Variants in CNPPD1 observed in about 807,000 individuals in gnomAD.
The protein encoded by CNPPD1 is cyclin Pas1/PHO80 domain containing 1.
CNPPD1 carries 40 observed loss-of-function variants against 43.7 expected under a neutral mutation model. The ratio of observed to expected loss-of-function variants is 0.92; its 90% CI spans 0.71 to 1.19. The LOEUF is 1.19. CNPPD1 is among the 50% of genes most tolerant of loss of function. The probability of loss-of-function intolerance (pLI) is 0.00; values close to 1 mark genes in which losing one functional copy is unlikely to be tolerated. For synonymous variants in CNPPD1, 208 were observed against 214.3 expected (o/e 0.97, Z 0.26); for missense variants, 511 against 518.5 (o/e 0.99, Z 0.14).
Position 219,172,633 on chromosome 2 carries a change from T to A in CNPPD1, c.1186A>T (p.Ser396Cys), listed in dbSNP as rs1485872106. Residue 396 changes from serine (S) to cysteine (C), a missense_variant, in exon 8 of 8, where the codon AGT becomes TGT. Coordinates refer to ENST00000360507, the MANE Select transcript of CNPPD1 (RefSeq NM_015680.6). The stretch of plus-strand genomic sequence containing the variant: ...TTGAGGCGAGCCAGCTCCATGACAC[T>A]GAAAAGGGAACATTGCTGAGGCTGA... ...LPQPQQCSLF[S>C]VMELARLKSF... The A allele has an allele frequency of 6.2e-7, 1 of 1,613,916 alleles. No individual in the cohort carries two copies.
chr2:219,176,999 C>T, upstream of CNPPD1: 1 of 576,118 alleles, frequency 1.7e-6, no homozygotes, highest in Non-Finnish European at 3.0e-6. Context: ...AAGGCGGGGC[C>T]CGGGCTGAAC....
In CNPPD1 at chr2:219,174,972, G is replaced by A; in HGVS notation, c.381+16C>T. On this transcript the variant is annotated intron_variant, in intron 4 of 7. Transcript: ENST00000360507. ...GGCTCTTGGCTCTTTAGGGAGATGG[G>A]GAGGGGGTGTCTTACCATGGAGATC... The A allele has an allele frequency of 6.2e-7, 1 of 1,614,152 alleles. No homozygotes were observed. Among genetic ancestry groups the A allele is most frequent in the Non-Finnish European group, 8.5e-7 (1 of 1,180,032 alleles).
In CNPPD1 at chr2:219,172,991, G is replaced by A; in HGVS notation, c.828C>T (p.Cys276=). The A allele has an allele frequency of 6.2e-7, 1 of 1,613,910 alleles. No homozygotes were observed. The highest frequency in any genetic ancestry group is 8.5e-7 in the Non-Finnish European group (1 of 1,179,984). ...GPPDLGLTSR[C]LLEPCIPSVP... ...CAGAAGGTATGCAGGGCTCCAGGAG[G>A]CAACGGGAGGTCAGTCCAAGGTCAG... The change falls in exon 8 of 8, where the codon TGC becomes TGT. Residue 276 remains cysteine, a synonymous_variant. Transcript: ENST00000360507.
At position 219,172,330 on chromosome 2, in the gene CNPPD1, C is replaced by T. The variant is rs543463097; in HGVS notation, c.*256G>A. The stretch of plus-strand genomic sequence containing the variant: ...GGGAGGCAGAGAGGGGCTTCTATGT[C>T]CATCTGGGACATGTCCCTGGTCACC... On this transcript the variant is annotated 3_prime_UTR_variant, in exon 8 of 8. Coordinates refer to ENST00000360507, the MANE Select transcript of CNPPD1 (RefSeq NM_015680.6). The T allele has an allele frequency of 1.8e-6, 1 of 550,124 alleles. No homozygotes were observed. Among genetic ancestry groups the T allele is most frequent in the African/African-American group, 1.9e-5 (1 of 52,480 alleles). The allele number at this position is 550,124 out of a possible 1,614,324, so 34.1% of individuals were successfully genotyped here.
chr2:219,176,139 G>C, intron 2 of CNPPD1, 84 bp downstream of exon 2: 1 of 986,618 alleles, frequency 1.0e-6, no homozygotes, highest in Non-Finnish European at 1.6e-6. Context: ...GTGTAGCCAC[G>C]GGGCAAACCT....
chr2:219,177,269 C>T (rs371827555), upstream of CNPPD1: 256 of 162,590 alleles, frequency 1.6e-3, 2 homozygotes, highest in African/African-American at 5.9e-3. Context: ...AGGAACCGGA[C>T]TCGAACTCCT....
chr2:219,175,494 C>CA (rs368784782), intron 3 of CNPPD1, 97 bp downstream of exon 3: 79,382 of 925,806 alleles, frequency 0.086, 8 homozygotes, highest in Non-Finnish European at 0.094. Context: ...GAGACTGTCT[C>CA]AAAAAAAAAA....
rs534896712 is a variant in CNPPD1 at position 219,176,336 on chromosome 2, A to G, written c.70-5T>C. ...CTTCTGGTGTCCTGGGAGGAACTGAAACAGGGCAGGGGCAGCGGAGGGTGA... is the reference window on the plus strand; with the variant it reads ...CTTCTGGTGTCCTGGGAGGAACTGAGACAGGGCAGGGGCAGCGGAGGGTGA... On this transcript the variant is annotated splice_region_variant and splice_polypyrimidine_tract_variant and intron_variant, in intron 1 of 7. Transcript: ENST00000360507. 3.7e-6 allele frequency: 6 copies of G among 1,605,296 alleles called. No individual in the cohort carries two copies. Among genetic ancestry groups the G allele is most frequent in the Non-Finnish European group, 5.1e-6 (6 of 1,171,924 alleles).
Position 219,176,311 on chromosome 2 carries a change from C to G in CNPPD1, c.90G>C (p.Lys30Asn), listed in dbSNP as rs1355701434. 6.2e-7 allele frequency: 1 copy of G among 1,614,122 alleles called. No individual in the cohort carries two copies. Among genetic ancestry groups the G allele is most frequent in the Non-Finnish European group, 8.5e-7 (1 of 1,179,936 alleles). Residue 30 changes from lysine to asparagine, a missense_variant, in exon 2 of 8, where the codon AAG (lysine) becomes AAC (asparagine). Coordinates refer to ENST00000360507, the MANE Select transcript of CNPPD1 (RefSeq NM_015680.6). ...QDFTFLPGHQ[K>N]LSARIRRRLY... ...GCCTCCTTCGGATCCGGGCACTCAG[C>G]TTCTGGTGTCCTGGGAGGAACTGAA...
intron 1 of CNPPD1, 110 bp from the exon 2 acceptor site, chr2:219,176,441 G>A: frequency 1.2e-6 from 1 of 841,486 alleles, no homozygotes; most frequent in Non-Finnish European, 1.9e-6. Flanking sequence ...CGCTGCTAGG[G>A]GGCCCGTGCC....
Position 219,176,802 on chromosome 2 carries a change from G to C in CNPPD1, c.27C>G (p.Asp9Glu), listed in dbSNP as rs1180985607. The C allele has an allele frequency of 6.3e-7, 1 of 1,583,952 alleles. No individual in the cohort carries two copies. The highest frequency in any genetic ancestry group is 1.8e-5 in the Admixed American group (1 of 55,694). The change falls in exon 1 of 8, where the codon GAC (aspartate) becomes GAG (glutamate). Residue 9 changes from aspartate (D) to glutamate (E), a missense_variant. Transcript: ENST00000360507. The stretch of plus-strand genomic sequence containing the variant: ...CGGCGAGGGAGAAGGTGCCTTCTTC[G>C]TCCAGCAGGAGCCCGGTCAGGTCCA... MDLTGLLL[D>E]EEGTFSLAGF...
In CNPPD1 at chr2:219,172,028, A is replaced by C. The variant is rs1288696565; in HGVS notation, c.*558T>G. The C allele has an allele frequency of 6.3e-6, 1 of 157,746 alleles. No homozygotes were observed. The highest frequency in any genetic ancestry group is 1.4e-5 in the Non-Finnish European group (1 of 70,906). 9.8% of individuals were successfully genotyped at this position (157,746 alleles called of 1,614,324 possible). On this transcript the variant is annotated 3_prime_UTR_variant, in exon 8 of 8. Transcript: ENST00000360507. Reference sequence around the variant, plus strand: ...CCAGAAGAGAGGGAAACCTAGGAGCAGGACACTAAGAGAAGACTGGAAGAC... The same window carrying C: ...CCAGAAGAGAGGGAAACCTAGGAGCCGGACACTAAGAGAAGACTGGAAGAC...
rs368382273 is a variant in CNPPD1, at chr2:219,173,396, G to C, written c.644C>G (p.Pro215Arg). The C allele has an allele frequency of 6.2e-7, 1 of 1,613,672 alleles. No individual in the cohort carries two copies. Among genetic ancestry groups the C allele is most frequent in the Non-Finnish European group, 8.5e-7 (1 of 1,179,962 alleles). The change falls in exon 7 of 8, where the codon CCG becomes CGG. Residue 215 changes from proline (P) to arginine (R), a missense_variant. Transcript: ENST00000360507. ...GGAGCCCAGGGCCAACTGCCAGGTC[G>C]GCTGCTCCAGCAGCACACACAGGTC... ...YTDLCVLLEQ[P>R]TWQLALGSLC... is the part of the protein sequence containing the mutation.
rs1254193397 is a variant in CNPPD1, at chr2:219,172,232, C to T, written c.*354G>A. 9.4e-6 allele frequency: 3 copies of T among 319,102 alleles called. No individual in the cohort carries two copies. The highest frequency in any genetic ancestry group is 1.8e-5 in the Non-Finnish European group (3 of 169,604). 19.8% of individuals were successfully genotyped at this position (319,102 alleles called of 1,614,324 possible). On this transcript the variant is annotated 3_prime_UTR_variant, in exon 8 of 8. Coordinates refer to ENST00000360507, the MANE Select transcript of CNPPD1 (RefSeq NM_015680.6). The stretch of plus-strand genomic sequence containing the variant: ...TGCCAACATTTCCTTTCTCCTCTCA[C>T]CCCACTTCCCTTATCTCCCACCTAT...
At position 219,173,345 on chromosome 2, in the gene CNPPD1, C is replaced by G; in HGVS notation, c.690+5G>C. 1.2e-6 allele frequency: 2 copies of G among 1,611,928 alleles called. No homozygotes were observed. The highest frequency in any genetic ancestry group is 1.7e-6 in the Non-Finnish European group (2 of 1,178,772). ...AGCTCCCTATCCTTCCGAGCCCCTC[C>G]TCACCTTTACCAGCCGCTGGCAGAG... On this transcript the variant is annotated splice_donor_5th_base_variant and intron_variant, in intron 7 of 7. Transcript: ENST00000360507.
chr2:219,176,204 T>A lies in CNPPD1; in HGVS notation c.178+19A>T. ...ATTTTCATGCTTCTCACTTGTCCAG[T>A]CACACAACACTGCCTAACCTGCCAC... On this transcript the variant is annotated intron_variant, in intron 2 of 7. Transcript: ENST00000360507. 1.3e-6 allele frequency: 2 copies of A among 1,568,674 alleles called. No individual in the cohort carries two copies. The highest frequency in any genetic ancestry group is 8.8e-7 in the Non-Finnish European group (1 of 1,138,820).
At chr2:219,176,449 G>A in intron 1 of CNPPD1, 118 bp from the exon 2 acceptor site, 5 of 764,750 alleles carry the variant, frequency 6.5e-6, no homozygotes, top group South Asian at 3.3e-5. Flanking sequence ...GGGGGCCCGT[G>A]CCTTACCCAG....
chr2:219,176,239 G>A lies in CNPPD1; in HGVS notation c.162C>T (p.Leu54=). Residue 54 remains leucine, a synonymous_variant, in exon 2 of 8, where the codon CTC becomes CTT. Coordinates refer to ENST00000360507, the MANE Select transcript of CNPPD1 (RefSeq NM_015680.6). ...DWEADCSLEE[L]SSPVADIAVE... is the part of the protein sequence containing the mutation. ...CTGCCTAACCTGCCACCGGGCTGGA[G>A]AGCTCCTCCAGGCTACAGTCGGCTT... 6.2e-7 allele frequency: 1 copy of A among 1,613,592 alleles called. No individual in the cohort carries two copies. The highest frequency in any genetic ancestry group is 8.5e-7 in the Non-Finnish European group (1 of 1,179,486).
At chr2:219,174,234 A>G (rs1242132514) in intron 5 of CNPPD1, 27 bp from the exon 6 acceptor site, 15 of 1,611,848 alleles carry the variant, frequency 9.3e-6, no homozygotes. Flanking sequence ...TGGACATCAA[A>G]CCAGACTTGG....
Sources: allele counts gnomAD v4.1 joint callset, GRCh38; gene constraint gnomAD v4.1.1; transcripts MANE v1.5; gene names NCBI Gene and HGNC (gene_info 2026-07-23, HGNC 2026-07-21).